The following GLIS3 variants were observed in gnomAD, a reference collection of about 807,000 sequenced individuals.
The protein encoded by GLIS3 is GLIS family zinc finger 3, also known as zinc finger protein GLIS3.
GLIS3 carries 53 observed loss-of-function variants against 78.6 expected under a neutral mutation model. That is an observed-to-expected ratio of 0.67 (90% CI 0.54 to 0.85). The LOEUF (loss-of-function observed/expected upper bound fraction) is 0.85. Ranked by LOEUF, GLIS3 falls within the 40% of genes least tolerant of loss-of-function variation. The probability of loss-of-function intolerance (pLI) is 0.00; values close to 1 mark genes in which losing one functional copy is unlikely to be tolerated. For synonymous variants in GLIS3, 684 were observed against 509.9 expected (o/e 1.34, Z -4.60); for missense variants, 1,703 against 1,231.1 (o/e 1.38, Z -5.74).
chr9:4,032,648 T>A (rs542796866), intron 4 of GLIS3, among the ~76,000 whole-genome samples: 1 of 152,124 alleles, frequency 6.6e-6, no homozygotes, highest in African/African-American at 2.4e-5. Context: ...GACAAAGGAA[T>A]AAAGCACTTC....
chr9:3,952,972 A>T (rs1201837326), intron 4 of GLIS3, among the ~76,000 whole-genome samples: 2 of 151,880 alleles, frequency 1.3e-5, no homozygotes, highest in South Asian at 2.1e-4. Flanking sequence ...TGTTTAATTT[A>T]AAAAAATCAT....
At chr9:3,831,956 A>AT (rs112385868) in intron 9 of GLIS3, among the ~76,000 whole-genome samples, 4,014 of 148,310 alleles carry the variant, frequency 0.027, 192 homozygotes, top group African/African-American at 0.093. Flanking sequence ...GTCTTTGGGT[A>AT]TTTTTTTTTT....
chr9:4,014,833 T>A (rs1822310273), intron 4 of GLIS3, among the ~76,000 whole-genome samples: 1 of 152,178 alleles, frequency 6.6e-6, no homozygotes, highest in South Asian at 2.1e-4. Context: ...TTACCCAATG[T>A]CACAGGGCTG....
intron 2 of GLIS3, among the ~76,000 whole-genome samples, chr9:4,270,063 G>A (rs1826364327): frequency 6.6e-6 from 1 of 152,142 alleles, no homozygotes; most frequent in East Asian, 1.9e-4. Flanking sequence ...TCCCACCCTG[G>A]CTCTAGACAC....
At chr9:4,284,989 C>A (rs996858774) in intron 2 of GLIS3, among the ~76,000 whole-genome samples, 4 of 152,004 alleles carry the variant, frequency 2.6e-5, no homozygotes, top group African/African-American at 9.7e-5. Flanking sequence ...CCCATTTATA[C>A]CAATTTATCC....
At chr9:4,396,910 G>A in the GLIS3 span, among the ~76,000 whole-genome samples, 25 of 151,870 alleles carry the variant, frequency 1.6e-4, no homozygotes, top group Admixed American at 4.6e-4. Context: ...CCTTCGCCTC[G>A]TGTTTTCTGG....
At chr9:4,197,679 G>A (rs1195350220) in intron 2 of GLIS3, among the ~76,000 whole-genome samples, 1 of 152,192 alleles carries the variant, frequency 6.6e-6, no homozygotes, top group Non-Finnish European at 1.5e-5. Flanking sequence ...AGGGAGCTCA[G>A]ACCACTATGT....
chr9:4,325,974 T>A (rs1817592033), intron 2 of GLIS3, among the ~76,000 whole-genome samples: 1 of 152,126 alleles, frequency 6.6e-6, no homozygotes, highest in Non-Finnish European at 1.5e-5. Flanking sequence ...CACCACCTGT[T>A]CTCACTTATA....
intron 2 of GLIS3, among the ~76,000 whole-genome samples, chr9:4,236,207 AGAAAG>A (rs1236173187): frequency 1.8e-4 from 23 of 131,010 alleles, no homozygotes; most frequent in African/African-American, 5.5e-4. Context: ...AAAAAAAAAA[AGAAAG>A]AAAGAAAGAA....
At chr9:3,891,803 C>T (rs1206046341) in intron 7 of GLIS3, among the ~76,000 whole-genome samples, 6 of 151,582 alleles carry the variant, frequency 4.0e-5, no homozygotes, top group African/African-American at 1.5e-4. Context: ...TCATTACTTT[C>T]CCAACTGCAA....
chr9:4,253,964 G>A (rs796113042), intron 2 of GLIS3, among the ~76,000 whole-genome samples: 11 of 152,252 alleles, frequency 7.2e-5, no homozygotes, highest in African/African-American at 2.6e-4. Context: ...CCAATGACAT[G>A]AGCCAGGTAC....
intron 7 of GLIS3, 144 bp downstream of exon 7, chr9:3,898,547 G>A (rs1402865640): frequency 4.7e-6 from 4 of 847,682 alleles, no homozygotes; most frequent in Non-Finnish European, 6.0e-6. Context: ...GAATCAGAAG[G>A]GGTGGAGAGC....
At chr9:4,420,914 G>C in the GLIS3 span, among the ~76,000 whole-genome samples, 1 of 152,082 alleles carries the variant, frequency 6.6e-6, no homozygotes, top group African/African-American at 2.4e-5. Flanking sequence ...TTAAGAAATA[G>C]AGCCTTCATT....
At chr9:4,435,969 A>AAAAC in the GLIS3 span, among the ~76,000 whole-genome samples, 1 of 152,122 alleles carries the variant, frequency 6.6e-6, no homozygotes, top group Non-Finnish European at 1.5e-5. Context: ...AAAACAAAAC[A>AAAAC]AAACAAAAAC....
intron 2 of GLIS3, among the ~76,000 whole-genome samples, chr9:4,256,272 G>C (rs1006756690): frequency 6.6e-6 from 1 of 152,068 alleles, no homozygotes; most frequent in Non-Finnish European, 1.5e-5. Flanking sequence ...TTAGATCTTT[G>C]TATCATACCA....
chr9:4,483,915 G>A, the GLIS3 span, among the ~76,000 whole-genome samples: 2 of 152,086 alleles, frequency 1.3e-5, no homozygotes, highest in Non-Finnish European at 2.9e-5. Flanking sequence ...TCTTCCAGCA[G>A]CCTCATGAAG....
At chr9:4,101,555 C>G (rs938586585) in intron 4 of GLIS3, among the ~76,000 whole-genome samples, 2 of 152,122 alleles carry the variant, frequency 1.3e-5, no homozygotes, top group African/African-American at 4.8e-5. Context: ...GGGTAGAACA[C>G]GTTAGCTAAA....
chr9:3,975,162 G>T (rs1818674025), intron 4 of GLIS3: 1 of 152,142 alleles, frequency 6.6e-6, no homozygotes, highest in African/African-American at 2.4e-5. Context: ...AAACCTTGGT[G>T]AGTCTAGCCC....
At chr9:4,048,985 T>A (rs1411764719) in intron 4 of GLIS3, among the ~76,000 whole-genome samples, 1 of 152,138 alleles carries the variant, frequency 6.6e-6, no homozygotes, top group Admixed American at 6.5e-5. Context: ...TCCAACCAAG[T>A]CAGCAGACCT....
Sources: allele counts gnomAD v4.1 joint callset (sites outside exome capture counted in the v4.1 genomes callset), GRCh38; gene constraint gnomAD v4.1.1; transcripts MANE v1.5; gene names NCBI Gene and HGNC (gene_info 2026-07-23, HGNC 2026-07-21).